Variants in ACER3 observed in about 807,000 individuals in gnomAD.
ACER3 encodes alkaline ceramidase 3.
ACER3 carries 16 observed loss-of-function variants against 48.9 expected under a neutral mutation model. The ratio of observed to expected loss-of-function variants is 0.33; its 90% confidence interval spans 0.22 to 0.50. ACER3 has a LOEUF of 0.50. ACER3 is among the 20% of genes least tolerant of loss of function. ACER3 has a pLI of 0.98. For synonymous variants in ACER3, 109 were observed against 107.8 expected (o/e 1.01, Z -0.07); for missense variants, 227 against 326.0 (o/e 0.70, Z 2.34).
At chr11:76,954,198 C>T (rs1590984400) in intron 2 of ACER3, among the ~76,000 whole-genome samples, 3 of 152,136 alleles carry the variant, frequency 2.0e-5, no homozygotes, top group South Asian at 2.1e-4. Flanking sequence ...CCACCCACCT[C>T]GGCCTCCCAA....
chr11:76,915,463 T>C (rs923776743), intron 1 of ACER3, among the ~76,000 whole-genome samples: 7 of 152,022 alleles, frequency 4.6e-5, no homozygotes, highest in African/African-American at 7.3e-5. Flanking sequence ...TACTTCACCA[T>C]TTTTGTCTCG....
At chr11:76,882,311 T>C (rs1945549839) in intron 1 of ACER3, among the ~76,000 whole-genome samples, 1 of 152,124 alleles carries the variant, frequency 6.6e-6, no homozygotes, top group Admixed American at 6.5e-5. Context: ...GCCCAAAATC[T>C]TTTTTTCTCT....
At chr11:76,981,577 C>G (rs1339480718) in intron 4 of ACER3, among the ~76,000 whole-genome samples, 1 of 152,216 alleles carries the variant, frequency 6.6e-6, no homozygotes, top group African/African-American at 2.4e-5. Context: ...CACCACTGAT[C>G]TACTTTCTAT....
At chr11:76,895,575 A>G (rs1010795732) in intron 1 of ACER3, among the ~76,000 whole-genome samples, 2 of 152,208 alleles carry the variant, frequency 1.3e-5, no homozygotes, top group African/African-American at 4.8e-5. Flanking sequence ...TACTGTATAC[A>G]TGTAGACAAG....
chr11:76,995,238 CACA>C lies in ACER3; in HGVS notation c.439-3520_439-3518del, dbSNP rs1325183279. Among the ~76,000 whole-genome samples the C allele has an allele frequency of 2.6e-5, 4 of 152,150 alleles. No homozygotes were observed. The East Asian group carries it at 7.7e-4, about 29-fold the overall frequency. ...ACTGAGTCTTGCTTTATATTTCAAACACAACAAGCATGTTTCTACTTTAGGACT... is the reference window on the plus strand; with the variant it reads ...ACTGAGTCTTGCTTTATATTTCAAACACAAGCATGTTTCTACTTTAGGACT... On this transcript the variant is annotated intron_variant, in intron 6 of 10. Transcript: ENST00000532485.
At chr11:76,947,299 C>G (rs1947503648) in intron 2 of ACER3, among the ~76,000 whole-genome samples, 1 of 152,178 alleles carries the variant, frequency 6.6e-6, no homozygotes, top group African/African-American at 2.4e-5. Flanking sequence ...GGGTACACTG[C>G]ACTATGCAGG....
At chr11:76,862,251 C>T (rs1178435619) in intron 1 of ACER3, among the ~76,000 whole-genome samples, 2 of 150,904 alleles carry the variant, frequency 1.3e-5, no homozygotes, top group Non-Finnish European at 2.9e-5. Flanking sequence ...ACAAATGGTC[C>T]CACTTTATTC....
At chr11:76,961,105 A>G (rs1157017155) in intron 3 of ACER3, among the ~76,000 whole-genome samples, 2 of 152,170 alleles carry the variant, frequency 1.3e-5, no homozygotes, top group Non-Finnish European at 2.9e-5. Flanking sequence ...GCTTGGGAAA[A>G]GGAGAGGTAG....
At chr11:76,974,501 G>A (rs1948387042) in intron 3 of ACER3, among the ~76,000 whole-genome samples, 1 of 152,182 alleles carries the variant, frequency 6.6e-6, no homozygotes, top group African/African-American at 2.4e-5. Flanking sequence ...GAGGTATCAG[G>A]AAGTAGAAGT....
Position 77,020,592 on chromosome 11 carries a change from A to C in ACER3, c.*265A>C. Reference sequence around the variant, plus strand: ...GAGATGATGTGTGTGTATGCCTCAAATGCAGAAACAGTTGGGCTTTTCTTA... The same window carrying C: ...GAGATGATGTGTGTGTATGCCTCAACTGCAGAAACAGTTGGGCTTTTCTTA... On this transcript the variant is annotated 3_prime_UTR_variant, in exon 11 of 11. Coordinates refer to ENST00000532485, the MANE Select transcript of ACER3 (RefSeq NM_018367.7). 2.6e-6 allele frequency: 1 copy of C among 382,022 alleles called. No homozygotes were observed. Among genetic ancestry groups the C allele is most frequent in the East Asian group, 4.8e-5 (1 of 20,968 alleles). The allele number at this position is 382,022 out of a possible 1,614,324, so 23.7% of individuals were successfully genotyped here.
intron 2 of ACER3, among the ~76,000 whole-genome samples, chr11:76,938,971 A>AAAAAAAAAAT (rs1469513740): frequency 9.2e-5 from 1 of 10,898 alleles, no homozygotes; most frequent in Non-Finnish European, 2.4e-4. Flanking sequence ...AGAAAGTGCT[A>AAAAAAAAAAT]AAAAAAATGA....
rs776004671 is a variant in ACER3, at chr11:76,861,000, G to C, written c.24G>C (p.Glu8Asp). 7 of 1,544,770 alleles carry C rather than the reference G, an allele frequency of 4.5e-6. No individual in the cohort carries two copies. Among genetic ancestry groups the C allele is most frequent in the Non-Finnish European group, 2.6e-6 (3 of 1,145,258 alleles). The change falls in exon 1 of 11, where the codon GAG (glutamate) becomes GAC (aspartate). Residue 8 changes from glutamate to aspartate, a missense_variant. Around this residue, in one of 3 missense-constraint regions of ACER3, gnomAD observed 27 missense variants for 18.1 expected, o/e 1.49. Coordinates refer to ENST00000532485, the MANE Select transcript of ACER3 (RefSeq NM_018367.7). ...TGATGGCTCCGGCCGCGGACCGAGA[G>C]GGCTACTGGGGCCCCACGACCTCCA... is the stretch of plus-strand genomic sequence containing the variant. Reference protein sequence around the residue: MAPAADREGYWGPTTSTL... With the variant: MAPAADRDGYWGPTTSTL...
At chr11:76,933,182 A>ATATATATATG (rs1947059679) in intron 2 of ACER3, among the ~76,000 whole-genome samples, 1 of 147,338 alleles carries the variant, frequency 6.8e-6, no homozygotes, top group Non-Finnish European at 1.5e-5. Context: ...TCATATATAT[A>ATATATATATG]TATATATATA....
chr11:76,929,164 A>C (rs1441407092), intron 2 of ACER3, among the ~76,000 whole-genome samples: 24 of 152,052 alleles, frequency 1.6e-4, no homozygotes, highest in Non-Finnish European at 3.2e-4. Flanking sequence ...TTCTCCTTGA[A>C]GACGTCCTTC....
intron 1 of ACER3, among the ~76,000 whole-genome samples, chr11:76,891,885 A>T (rs1278796422): frequency 6.6e-6 from 1 of 152,222 alleles, no homozygotes; most frequent in African/African-American, 2.4e-5. Flanking sequence ...CACACTTACA[A>T]GTTATAGTTG....
chr11:76,972,502 C>G (rs1381038904), intron 3 of ACER3, among the ~76,000 whole-genome samples: 1 of 152,160 alleles, frequency 6.6e-6, no homozygotes, highest in Non-Finnish European at 1.5e-5. Context: ...ACTCTGGATA[C>G]AGATATGATT....
intron 7 of ACER3, among the ~76,000 whole-genome samples, chr11:77,001,772 G>T (rs1011386758): frequency 1.3e-5 from 2 of 152,158 alleles, no homozygotes; most frequent in Admixed American, 6.6e-5. Context: ...TTAGCTGTAA[G>T]TTTTTTATAG....
chr11:76,884,001 ATACTCTAAG>A (rs1945607424), intron 1 of ACER3, among the ~76,000 whole-genome samples: 1 of 152,106 alleles, frequency 6.6e-6, no homozygotes, highest in Admixed American at 6.5e-5. Context: ...TCTCTACTGG[ATACTCTAAG>A]TGTTCAGCAT....
chr11:76,886,495 G>T (rs1945674627), intron 1 of ACER3, among the ~76,000 whole-genome samples: 1 of 152,168 alleles, frequency 6.6e-6, no homozygotes, highest in Non-Finnish European at 1.5e-5. Context: ...AGATACGTTA[G>T]CATGTTACAA....
Sources: gnomAD v4.1 joint callset for allele counts (sites outside exome capture counted in the v4.1 genomes callset) on GRCh38, gnomAD v4.1.1 for gene constraint, gnomAD v4.1.1 regional missense constraint, MANE v1.5 for transcripts, NCBI Gene and HGNC (gene_info 2026-07-23, HGNC 2026-07-21) for gene names.